ELAVL3: variants seen among roughly 807,000 people sequenced by gnomAD.
ELAVL3 encodes the protein ELAV like RNA binding protein 3.
ELAVL3 carries 8 observed loss-of-function variants against 34.2 expected under a neutral mutation model. The ratio of observed to expected loss-of-function variants is 0.23; its 90% CI spans 0.14 to 0.42. ELAVL3 has a LOEUF of 0.42. ELAVL3 is among the 10% of genes least tolerant of loss of function. The pLI, the probability that ELAVL3 is intolerant of heterozygous loss-of-function variation, is 1.00. For missense variants in ELAVL3, 273 were observed against 518.8 expected (o/e 0.53, Z 4.60); for synonymous variants, 209 against 222.1 (o/e 0.94, Z 0.53).
chr19:11,466,744 A>G lies in ELAVL3; in HGVS notation c.93T>C (p.Asn31=). The change falls in exon 2 of 7, where the codon AAT becomes AAC. Residue 31 remains asparagine (N), a synonymous_variant. Coordinates refer to ENST00000359227, the MANE Select transcript of ELAVL3 (RefSeq NM_001420.4). This position sits in a 1 kb window ranked among gnomAD's most constrained non-coding sequence, Gnocchi z 5.0. The part of the protein sequence containing the change: ...ALPNGPLLGT[N]GATDDSKTNL... ...TGGTCTTGCTGTCGTCAGTGGCTCCATTTGTACCAAGGAGTGGCCCGTTGG... is the reference window on the plus strand; with the variant it reads ...TGGTCTTGCTGTCGTCAGTGGCTCCGTTTGTACCAAGGAGTGGCCCGTTGG... 6.2e-7 allele frequency: 1 copy of G among 1,613,986 alleles called. No individual in the cohort carries two copies. Among genetic ancestry groups the G allele is most frequent in the African/African-American group, 1.3e-5 (1 of 74,988 alleles).
intron 1 of ELAVL3, among the ~76,000 whole-genome samples, chr19:11,469,086 C>CT (rs972356753): frequency 6.6e-6 from 1 of 151,318 alleles, no homozygotes; most frequent in Non-Finnish European, 1.5e-5. Flanking sequence ...AGCCTGGCTA[C>CT]TTTTTTTTTC....
rs1319005826 is a variant in ELAVL3 at position 11,464,644 on chromosome 19, T to TG, written c.333+1527_333+1528insC. Among the ~76,000 whole-genome samples, 243 of 62,592 alleles carry TG rather than the reference T, an allele frequency of 3.9e-3. 3 individuals carry two copies. The highest frequency in any genetic ancestry group is 0.023 in the South Asian group (44 of 1,922). The allele number at this position is 62,592 out of a possible 152,430, so 41.1% of individuals were successfully genotyped here. A position where few individuals can be genotyped will look rare whatever the true frequency, so the allele number is the denominator to read the frequency against. On this transcript the variant is annotated intron_variant, in intron 3 of 6. Transcript: ENST00000359227. ...ACACACACACCACACACACCACACA[T>TG]ACACATACATGACACACACATACAC...
intron 1 of ELAVL3, among the ~76,000 whole-genome samples, chr19:11,473,389 G>T (rs1971205115): frequency 6.6e-6 from 1 of 152,032 alleles, no homozygotes; most frequent in South Asian, 2.1e-4. Context: ...GAAAAGAAAA[G>T]AAAAAGAAAA....
intron 1 of ELAVL3, among the ~76,000 whole-genome samples, chr19:11,473,955 G>A (rs1052642901): frequency 3.9e-5 from 6 of 152,192 alleles, no homozygotes; most frequent in East Asian, 1.9e-4. Flanking sequence ...GGTTAGTTAC[G>A]TCTGTCATGG....
intron 1 of ELAVL3, among the ~76,000 whole-genome samples, chr19:11,475,050 T>A (rs1303478858): frequency 6.6e-6 from 1 of 152,068 alleles, no homozygotes; most frequent in African/African-American, 2.4e-5. Flanking sequence ...ATGGTCTCGA[T>A]CTCCTGATCT....
intron 1 of ELAVL3, among the ~76,000 whole-genome samples, chr19:11,469,303 G>A (rs1350944230): frequency 1.3e-5 from 2 of 151,698 alleles, no homozygotes; most frequent in East Asian, 1.9e-4. Flanking sequence ...GAGGGGGGAC[G>A]GAGTTTCGCT....
At chr19:11,479,641 CGGGGCCCT>C (rs1971333642) in intron 1 of ELAVL3, among the ~76,000 whole-genome samples, 3 of 151,420 alleles carry the variant, frequency 2.0e-5, no homozygotes, top group African/African-American at 7.3e-5. Context: ...GCCGGGCCCC[CGGGGCCCT>C]GGGGGCGGGG....
At chr19:11,465,930 C>A (rs1300986784) in intron 3 of ELAVL3, among the ~76,000 whole-genome samples, 1 of 152,172 alleles carries the variant, frequency 6.6e-6, no homozygotes, top group Non-Finnish European at 1.5e-5. Flanking sequence ...CTCCCTGAGC[C>A]TCCAGAGATC....
In ELAVL3 at chr19:11,466,786, C is replaced by T. The variant is rs1156361338; in HGVS notation, c.51G>A (p.Pro17=). 1.5e-5 allele frequency: 24 copies of T among 1,612,862 alleles called. No homozygotes were observed. Among genetic ancestry groups the T allele is most frequent in the African/African-American group, 2.7e-5 (2 of 74,874 alleles). ...GCCCGTTGGGCAGGGCCGGGCCGGC[C>T]GGGCCCCCCCCCACCTGAGACTCCA... ...GAMESQVGGG[P]AGPALPNGPL... is the part of the protein sequence containing the mutation. Residue 17 remains proline (P), a synonymous_variant, in exon 2 of 7, where the codon CCG becomes CCA. Coordinates refer to ENST00000359227, the MANE Select transcript of ELAVL3 (RefSeq NM_001420.4). The surrounding 1 kb of genome is among the most constrained non-coding windows in gnomAD (Gnocchi z 5.0).
rs1369274994 is a variant in ELAVL3, at chr19:11,454,283, A to C, written c.*243T>G. ...ACCAAACCAAGACGAGAGAGTGAAC[A>C]GCCCAGCCTGGGGTGGGGGCAGGAG... On this transcript the variant is annotated 3_prime_UTR_variant, in exon 7 of 7. Coordinates refer to ENST00000359227, the MANE Select transcript of ELAVL3 (RefSeq NM_001420.4). This position sits in a 1 kb window ranked among gnomAD's most constrained non-coding sequence, Gnocchi z 9.2. The C allele has an allele frequency of 2.2e-5, 11 of 505,774 alleles. No homozygotes were observed. The Admixed American group carries it at 3.8e-4, about 18-fold the overall frequency. The allele number at this position is 505,774 out of a possible 1,614,324, so 31.3% of individuals were successfully genotyped here. A position where few individuals can be genotyped will look rare whatever the true frequency, so the allele number is the denominator to read the frequency against.
At chr19:11,469,302 C>T (rs970500892) in intron 1 of ELAVL3, among the ~76,000 whole-genome samples, 1 of 151,432 alleles carries the variant, frequency 6.6e-6, no homozygotes, top group African/African-American at 2.4e-5. Context: ...GGAGGGGGGA[C>T]GGAGTTTCGC....
At chr19:11,472,944 G>A (rs1971194192) in intron 1 of ELAVL3, among the ~76,000 whole-genome samples, 1 of 152,006 alleles carries the variant, frequency 6.6e-6, no homozygotes, top group African/African-American at 2.4e-5. Flanking sequence ...GTGGGCACCT[G>A]TAATCCCAGC....
intron 1 of ELAVL3, among the ~76,000 whole-genome samples, chr19:11,475,152 A>G (rs1971240009): frequency 6.6e-6 from 1 of 152,036 alleles, no homozygotes; most frequent in African/African-American, 2.4e-5. Context: ...TGAGCATTCC[A>G]CTACACTGAG....
In ELAVL3 at chr19:11,458,081, G is replaced by A. The variant is rs1010436411; in HGVS notation, c.693C>T (p.His231=). 1 of 1,613,222 alleles carries A rather than the reference G, an allele frequency of 6.2e-7. No homozygotes were observed. Among genetic ancestry groups the A allele is most frequent in the Non-Finnish European group, 8.5e-7 (1 of 1,180,028 alleles). Residue 231 remains histidine (H), a synonymous_variant, in exon 5 of 7, where the codon CAC becomes CAT. Transcript: ENST00000359227. This position sits in a 1 kb window ranked among gnomAD's most constrained non-coding sequence, Gnocchi z 7.3. ...SSARRYAGPL[H]HQTQRFRLDN... is the part of the protein sequence containing the mutation. ...CTCACCGGAAACGCTGGGTCTGATG[G>A]TGTAGGGGGCCTGCGTAGCGCCGGG...
At chr19:11,459,388 C>T (rs1970837855) in intron 3 of ELAVL3, among the ~76,000 whole-genome samples, 1 of 152,104 alleles carries the variant, frequency 6.6e-6, no homozygotes, top group African/African-American at 2.4e-5. Context: ...TCATCTCGGC[C>T]TCCCAAAGTG....
chr19:11,471,309 C>G lies in ELAVL3; in HGVS notation c.10-4482G>C, dbSNP rs1162655327. 8.3e-5 allele frequency among the ~76,000 whole-genome samples: 11 copies of G among 132,958 alleles called. No individual in the cohort carries two copies. The Admixed American group carries it at 8.6e-4, about 10-fold the overall frequency. 87.2% of individuals were successfully genotyped at this position (132,958 alleles called of 152,430 possible). On this transcript the variant is annotated intron_variant, in intron 1 of 6. Transcript: ENST00000359227. Reference sequence around the variant, plus strand: ...TGAGCAACAGAGTGAGACTCCATCTCAAAAAAAAAAATTTTTTTTTTTGAG... The same window carrying G: ...TGAGCAACAGAGTGAGACTCCATCTGAAAAAAAAAAATTTTTTTTTTTGAG...
chr19:11,461,354 C>A (rs1290778831), intron 3 of ELAVL3, among the ~76,000 whole-genome samples: 1 of 152,054 alleles, frequency 6.6e-6, no homozygotes, highest in Non-Finnish European at 1.5e-5. Flanking sequence ...GGAAGTCCAC[C>A]TCTCAAATGC....
chr19:11,471,381 G>A (rs577108394), intron 1 of ELAVL3, among the ~76,000 whole-genome samples: 20 of 151,668 alleles, frequency 1.3e-4, no homozygotes, highest in Admixed American at 7.2e-4. Context: ...TTGGGAGGCC[G>A]AGGCGGGTGG....
chr19:11,461,009 CAAAAAAAAA>C (rs535847241), intron 3 of ELAVL3, among the ~76,000 whole-genome samples: 3 of 89,850 alleles, frequency 3.3e-5, no homozygotes, highest in African/African-American at 3.0e-5. Context: ...ACAACCTCTA[CAAAAAAAAA>C]AAAAAAAAAA....
Sources: allele counts gnomAD v4.1 joint callset (sites outside exome capture counted in the v4.1 genomes callset), GRCh38; gene constraint gnomAD v4.1.1; non-coding constraint Gnocchi (gnomAD v3.1); transcripts MANE v1.5; gene names NCBI Gene and HGNC (gene_info 2026-07-23, HGNC 2026-07-21).